Variants in EXTL3 observed in about 807,000 individuals in gnomAD.
EXTL3 encodes the protein exostosin like glycosyltransferase 3, also known as exostosin-like 3.
In EXTL3, 27 loss-of-function variants were observed where a neutral mutation model predicts 69.3. The ratio of observed to expected loss-of-function variants is 0.39; its 90% CI spans 0.29 to 0.54. The LOEUF is 0.54. Among genes scored for constraint, EXTL3 ranks in the 20% least tolerant of loss-of-function variants. The pLI is 0.69. For synonymous variants in EXTL3, 511 were observed against 499.4 expected, an observed-to-expected ratio of 1.02 and a Z score of -0.31; for missense variants, 1,003 against 1,231.8, an observed-to-expected ratio of 0.81 and a Z score of 2.78.
intron 6 of EXTL3, among the ~76,000 whole-genome samples, chr8:28,749,623 T>TTTCATTCATTCATTCATTCATTCA (rs139624117): frequency 2.7e-5 from 4 of 150,502 alleles, no homozygotes; most frequent in Non-Finnish European, 5.9e-5. Flanking sequence ...CCTCTGAGGA[T>TTTCATTCATTCATTCATTCATTCA]TTCATTCATT....
Position 28,717,258 on chromosome 8 carries a change from G to T in EXTL3, c.1199G>T (p.Cys400Phe). 6.2e-7 allele frequency: 1 copy of T among 1,614,238 alleles called. No homozygotes were observed. The highest frequency in any genetic ancestry group is 8.5e-7 in the Non-Finnish European group (1 of 1,180,050). Residue 400 changes from cysteine (C) to phenylalanine (F), a missense_variant, in exon 3 of 7, where the codon TGC (cysteine) becomes TTC (phenylalanine). Physicochemically the swap from Cys to Phe is radical, Grantham distance 205 (BLOSUM62 -2). Coordinates refer to ENST00000220562, the MANE Select transcript of EXTL3 (RefSeq NM_001440.4). The surrounding 1 kb of genome is among the most constrained non-coding windows in gnomAD (Gnocchi z 8.3). Reference sequence around the variant, plus strand: ...GATCAGGTCCTGGTGGAATTCACCTGCAAAAACCAGCCCAAACCCAGCCTG... The same window carrying T: ...GATCAGGTCCTGGTGGAATTCACCTTCAAAAACCAGCCCAAACCCAGCCTG... ...KLDQVLVEFT[C>F]KNQPKPSLPT...
At chr8:28,667,277 A>T (rs1230997554) in intron 1 of EXTL3, among the ~76,000 whole-genome samples, 2 of 152,224 alleles carry the variant, frequency 1.3e-5, no homozygotes, top group Non-Finnish European at 2.9e-5. Context: ...TGGAAAAGTA[A>T]TGCAAGGAAC....
chr8:28,730,235 GT>G (rs1202321026), intron 3 of EXTL3: 1 of 152,166 alleles, frequency 6.6e-6, no homozygotes, highest in Non-Finnish European at 1.5e-5. Context: ...GTTGTTCTCA[GT>G]ACAAGTAAAA....
At chr8:28,619,887 T>G (rs1236980866), upstream of EXTL3, among the ~76,000 whole-genome samples, 5 of 94,434 alleles carry the variant, frequency 5.3e-5, no homozygotes, top group Admixed American at 1.5e-4. Flanking sequence ...TTTTTTTTTT[T>G]TGAGACGGAG....
At chr8:28,748,658 G>C (rs1003312258) in intron 6 of EXTL3, among the ~76,000 whole-genome samples, 1 of 152,010 alleles carries the variant, frequency 6.6e-6, no homozygotes, top group Non-Finnish European at 1.5e-5. Context: ...TAAGGGTGGA[G>C]AATTAGAATG....
At chr8:28,676,874 G>A (rs1364044782) in intron 1 of EXTL3, among the ~76,000 whole-genome samples, 1 of 152,098 alleles carries the variant, frequency 6.6e-6, no homozygotes, top group Admixed American at 6.6e-5. Context: ...ACAGAGATTC[G>A]GATTCAGTAG....
In EXTL3 at chr8:28,716,585, G is replaced by T. The variant is rs538938900; in HGVS notation, c.526G>T (p.Gly176Cys). ...CCTCCCTCCCCCGAAGGCCACTCGG[G>T]GCTGCCGGCTACACAACTGCTTTGA... Reference protein sequence around the residue: ...AGLPPPKATRGCRLHNCFDYS... With the variant: ...AGLPPPKATRCCRLHNCFDYS... Residue 176 changes from glycine to cysteine, a missense_variant, in exon 3 of 7, where the codon GGC becomes TGC. Physicochemically the swap from Gly to Cys is radical, Grantham distance 159. Coordinates refer to ENST00000220562, the MANE Select transcript of EXTL3 (RefSeq NM_001440.4). The surrounding 1 kb of genome is among the most constrained non-coding windows in gnomAD (Gnocchi z 7.1). 6.2e-7 allele frequency: 1 copy of T among 1,614,168 alleles called. No homozygotes were observed. The highest frequency in any genetic ancestry group is 8.5e-7 in the Non-Finnish European group (1 of 1,180,030).
chr8:28,672,469 G>A (rs993690697), intron 1 of EXTL3, among the ~76,000 whole-genome samples: 3 of 152,184 alleles, frequency 2.0e-5, no homozygotes, highest in African/African-American at 7.2e-5. Context: ...TTTTATTAAG[G>A]GAGATCAGAT....
chr8:28,662,581 A>G (rs1446246080), intron 1 of EXTL3, among the ~76,000 whole-genome samples: 1 of 152,166 alleles, frequency 6.6e-6, no homozygotes, highest in Non-Finnish European at 1.5e-5. Context: ...GCTAGAATCA[A>G]TTCTGTTTCT....
At chr8:28,643,923 G>T (rs571106036) in intron 1 of EXTL3, among the ~76,000 whole-genome samples, 1 of 151,944 alleles carries the variant, frequency 6.6e-6, no homozygotes, top group African/African-American at 2.4e-5. Flanking sequence ...GCACCACCAC[G>T]CCTAGCTAAT....
intron 1 of EXTL3, among the ~76,000 whole-genome samples, chr8:28,691,474 C>T (rs767782475): frequency 2.0e-5 from 3 of 151,606 alleles, no homozygotes; most frequent in Non-Finnish European, 2.9e-5. Flanking sequence ...AAAAGAAGGA[C>T]TTGAAATGGT....
upstream of EXTL3, among the ~76,000 whole-genome samples, chr8:28,620,736 G>A (rs1806400352): frequency 6.6e-6 from 1 of 152,060 alleles, no homozygotes; most frequent in Non-Finnish European, 1.5e-5. Context: ...TTTTTTAAGA[G>A]ATAGGGTCTC....
intron 1 of EXTL3, among the ~76,000 whole-genome samples, chr8:28,685,564 G>A (rs1271010952): frequency 1.3e-5 from 2 of 152,092 alleles, no homozygotes; most frequent in Non-Finnish European, 2.9e-5. Flanking sequence ...CTGGGCTCAA[G>A]TGATCCTCCT....
intron 2 of EXTL3, among the ~76,000 whole-genome samples, chr8:28,613,317 G>A (rs375232388): frequency 2.0e-5 from 3 of 152,000 alleles, no homozygotes; most frequent in East Asian, 1.9e-4. Context: ...CTGAGTTGCT[G>A]GGATTACAGG....
At chr8:28,620,246 T>A (rs1276930578), upstream of EXTL3, among the ~76,000 whole-genome samples, 1 of 152,116 alleles carries the variant, frequency 6.6e-6, no homozygotes, top group African/African-American at 2.4e-5. Flanking sequence ...GCTTCATTTC[T>A]CTGAGATCTG....
chr8:28,704,130 C>A (rs1800869615), intron 1 of EXTL3, among the ~76,000 whole-genome samples: 1 of 152,142 alleles, frequency 6.6e-6, no homozygotes, highest in Non-Finnish European at 1.5e-5. Flanking sequence ...ATTTAAAAAA[C>A]CTGTGATCTT....
At position 28,711,035 on chromosome 8, in the gene EXTL3, A is replaced by G. The variant is rs1405424212; in HGVS notation, c.-569-2422A>G. On this transcript the variant is annotated intron_variant, in intron 1 of 6. Coordinates refer to ENST00000220562, the MANE Select transcript of EXTL3 (RefSeq NM_001440.4). ...TTTCTTTTTTGGGATTTTCAAAAGT[A>G]TGAAGTCAGTTTACTTAATAGTTAT... Among the ~76,000 whole-genome samples, 3 of 152,214 alleles carry G rather than the reference A, an allele frequency of 2.0e-5. 1 individual carries two copies. Among genetic ancestry groups the G allele is most frequent in the African/African-American group, 4.8e-5 (2 of 41,452 alleles).
At chr8:28,690,302 T>C (rs1390036762) in intron 1 of EXTL3, among the ~76,000 whole-genome samples, 1 of 152,158 alleles carries the variant, frequency 6.6e-6, no homozygotes, top group Non-Finnish European at 1.5e-5. Flanking sequence ...AACCTCTGCC[T>C]CTCAGGTTCA....
chr8:28,681,164 C>T (rs527639475), intron 1 of EXTL3, among the ~76,000 whole-genome samples: 10 of 151,984 alleles, frequency 6.6e-5, no homozygotes, highest in African/African-American at 1.9e-4. Flanking sequence ...TGAGCCACTG[C>T]GCCTTGCCAA....
Sources: gnomAD v4.1 joint callset for allele counts (sites outside exome capture counted in the v4.1 genomes callset) on GRCh38, gnomAD v4.1.1 for gene constraint, Gnocchi (gnomAD v3.1) non-coding constraint, MANE v1.5 for transcripts, NCBI Gene and HGNC (gene_info 2026-07-23, HGNC 2026-07-21) for gene names.